The following KCTD16 variants were observed in gnomAD, a reference collection of about 807,000 sequenced individuals.
The protein encoded by KCTD16 is BTB/POZ domain-containing protein KCTD16.
In KCTD16, 13 loss-of-function variants were observed where a neutral mutation model predicts 33.2. The observed-to-expected ratio is 0.39, with a 90% CI of 0.25 to 0.62. The LOEUF is 0.62. KCTD16 is among the 20% of genes least tolerant of loss of function. The pLI is 0.50. For synonymous variants in KCTD16, 197 were observed against 195.3 expected (o/e 1.01, Z -0.07); for missense variants, 441 against 525.1 (o/e 0.84, Z 1.57).
At chr5:144,273,428 T>A (rs111903977) in intron 3 of KCTD16, among the ~76,000 whole-genome samples, 5,958 of 152,144 alleles carry the variant, frequency 0.039, 148 homozygotes, top group South Asian at 0.062. Flanking sequence ...CATCAAAAAT[T>A]AAAAATAGAA....
At chr5:144,421,482 G>C (rs1753208387) in intron 3 of KCTD16, among the ~76,000 whole-genome samples, 1 of 152,072 alleles carries the variant, frequency 6.6e-6, no homozygotes. Flanking sequence ...GCGTACCTGG[G>C]ACTTGAAACG....
intron 3 of KCTD16, among the ~76,000 whole-genome samples, chr5:144,376,362 A>C (rs1752093347): frequency 6.6e-6 from 1 of 152,204 alleles, no homozygotes; most frequent in Admixed American, 6.5e-5. Context: ...ACAAAATGTT[A>C]CAATCTCGGT....
At chr5:144,197,303 T>C (rs146016000) in intron 2 of KCTD16, among the ~76,000 whole-genome samples, 37 of 152,196 alleles carry the variant, frequency 2.4e-4, no homozygotes, top group African/African-American at 7.2e-4. Context: ...ACATATATAT[T>C]ACTTATCCTT....
intron 3 of KCTD16, among the ~76,000 whole-genome samples, chr5:144,259,330 C>A (rs1273984691): frequency 6.9e-6 from 1 of 145,070 alleles, no homozygotes; most frequent in East Asian, 2.1e-4. Context: ...ATGAGCAGAT[C>A]AGACATGAAC....
chr5:144,458,265 G>A (rs1754116609), intron 3 of KCTD16, among the ~76,000 whole-genome samples: 1 of 152,098 alleles, frequency 6.6e-6, no homozygotes, highest in African/African-American at 2.4e-5. Context: ...AACTCGTTCA[G>A]GTCACCCACT....
At chr5:144,179,919 G>GT (rs1225660059) in intron 2 of KCTD16, among the ~76,000 whole-genome samples, 3 of 152,204 alleles carry the variant, frequency 2.0e-5, no homozygotes, top group African/African-American at 7.2e-5. Context: ...TCTGTCTATG[G>GT]TTTTTTAAGC....
At chr5:144,325,670 T>C (rs1038859643) in intron 3 of KCTD16, among the ~76,000 whole-genome samples, 8 of 152,258 alleles carry the variant, frequency 5.3e-5, no homozygotes, top group Non-Finnish European at 1.0e-4. Flanking sequence ...TATGACGTGC[T>C]CTGAAAGCAT....
At chr5:144,449,764 T>C (rs1214961218) in intron 3 of KCTD16, among the ~76,000 whole-genome samples, 1 of 151,918 alleles carries the variant, frequency 6.6e-6, no homozygotes, top group African/African-American at 2.4e-5. Flanking sequence ...AACAAATAAA[T>C]TGGACCTCTA....
intron 3 of KCTD16, among the ~76,000 whole-genome samples, chr5:144,419,210 T>TCA (rs1259504386): frequency 6.6e-6 from 1 of 152,188 alleles, no homozygotes; most frequent in African/African-American, 2.4e-5. Context: ...CCCACACTAT[T>TCA]GTAATTTGCA....
intron 3 of KCTD16, among the ~76,000 whole-genome samples, chr5:144,444,855 A>ATGTG (rs1013368305): frequency 4.0e-5 from 6 of 149,918 alleles, no homozygotes; most frequent in African/African-American, 1.5e-4. Flanking sequence ...ATATATATAT[A>ATGTG]TGTGTGTGTG....
At chr5:144,328,735 C>G (rs1214090888) in intron 3 of KCTD16, among the ~76,000 whole-genome samples, 1 of 152,024 alleles carries the variant, frequency 6.6e-6, no homozygotes, top group Non-Finnish European at 1.5e-5. Context: ...CCCTGCTACT[C>G]ATAGCTGGAG....
chr5:144,481,941 TC>T lies in KCTD16; in HGVS notation c.*7829del, dbSNP rs1160897346. On this transcript the variant is annotated 3_prime_UTR_variant, in exon 4 of 4. Transcript: ENST00000512467. ...ACTTTTCATGCCTTATCTCATTTAA[TC>T]CTATCATAATCCAATGAAGTAAGCC... The T allele has an allele frequency of 6.6e-6, 1 of 151,964 alleles. No individual in the cohort carries two copies. Among genetic ancestry groups the T allele is most frequent in the Non-Finnish European group, 1.5e-5 (1 of 67,928 alleles). The allele number at this position is 151,964 out of a possible 1,614,324, so 9.4% of individuals were successfully genotyped here. A position where few individuals can be genotyped will look rare whatever the true frequency, so the allele number is the denominator to read the frequency against.
intron 3 of KCTD16, among the ~76,000 whole-genome samples, chr5:144,376,013 C>G (rs550184707): frequency 6.6e-6 from 1 of 152,062 alleles, no homozygotes; most frequent in Admixed American, 6.5e-5. Flanking sequence ...TTAGTAGAGA[C>G]GGGGTTTCAC....
At chr5:144,375,532 AC>A (rs1411135946) in intron 3 of KCTD16, among the ~76,000 whole-genome samples, 2 of 152,114 alleles carry the variant, frequency 1.3e-5, no homozygotes, top group African/African-American at 4.8e-5. Context: ...TGCCATATTG[AC>A]CCTGCAGAAG....
intron 3 of KCTD16, among the ~76,000 whole-genome samples, chr5:144,208,641 T>C (rs1753265816): frequency 6.6e-6 from 1 of 152,252 alleles, no homozygotes; most frequent in Admixed American, 6.5e-5. Context: ...AACATAAAAG[T>C]AGGACTGAAT....
chr5:144,203,407 T>C (rs1753086802), intron 2 of KCTD16, among the ~76,000 whole-genome samples: 1 of 152,146 alleles, frequency 6.6e-6, no homozygotes, highest in Non-Finnish European at 1.5e-5. Context: ...CTATTCCTAT[T>C]CAAGAATATC....
intron 3 of KCTD16, among the ~76,000 whole-genome samples, chr5:144,311,481 T>A (rs1751766209): frequency 6.6e-6 from 1 of 152,134 alleles, no homozygotes; most frequent in African/African-American, 2.4e-5. Flanking sequence ...TAGAAATAGA[T>A]GCAAAGATAT....
chr5:144,440,751 TA>T (rs1244800236), intron 3 of KCTD16, among the ~76,000 whole-genome samples: 3 of 152,114 alleles, frequency 2.0e-5, no homozygotes, highest in Non-Finnish European at 4.4e-5. Context: ...TTTATTTTAT[TA>T]TTATTATACT....
intron 3 of KCTD16, among the ~76,000 whole-genome samples, chr5:144,420,371 G>C (rs563585961): frequency 6.6e-6 from 1 of 152,048 alleles, no homozygotes; most frequent in Non-Finnish European, 1.5e-5. Context: ...AAACCTGCAC[G>C]TTGTGCACAT....
Sources: allele counts gnomAD v4.1 joint callset (sites outside exome capture counted in the v4.1 genomes callset), GRCh38; gene constraint gnomAD v4.1.1; transcripts MANE v1.5; gene names NCBI Gene and HGNC (gene_info 2026-07-23, HGNC 2026-07-21).